The following DNAH10 variants were observed in gnomAD, a reference collection of about 807,000 sequenced individuals.
DNAH10 encodes dynein axonemal heavy chain 10, also known as axonemal beta dynein heavy chain 10.
DNAH10 carries 348 observed loss-of-function variants against 506.6 expected under a neutral mutation model. The ratio of observed to expected loss-of-function variants is 0.69; its 90% CI spans 0.63 to 0.75. The LOEUF is 0.75. Among genes scored for constraint, DNAH10 ranks in the 30% least tolerant of loss-of-function variants. DNAH10 has a pLI of 0.00. For missense variants in DNAH10, 5,179 were observed against 5,787.1 expected (o/e 0.89, Z 3.41); for synonymous variants, 2,059 against 2,198.6 (o/e 0.94, Z 1.78).
intron 24 of DNAH10, among the ~76,000 whole-genome samples, chr12:123,821,570 C>T (rs149634409): frequency 0.01 from 1,538 of 152,140 alleles, 16 homozygotes; most frequent in Non-Finnish European, 0.017. Context: ...TGATCTCAAG[C>T]GATCCTCCTG....
Position 123,804,853 on chromosome 12 carries a change from C to T in DNAH10, c.2800C>T (p.His934Tyr). The change falls in exon 18 of 79, where the codon CAC becomes TAC. Residue 934 changes from histidine (H) to tyrosine (Y), a missense_variant. Around this residue, in one of 3 missense-constraint regions of DNAH10, gnomAD observed 4,844 missense variants for 5,430.5 expected, o/e 0.89. Coordinates refer to ENST00000673944, the MANE Select transcript of DNAH10 (RefSeq NM_001372106.1). ...ELPGVKEFFEHIERERASDVD... is the reference protein window; with the variant it reads ...ELPGVKEFFEYIERERASDVD... ...TCCAGGCGTGAAGGAATTTTTTGAA[C>T]ACATTGAGCGAGAAAGGGCCAGCGA... 1 of 1,610,642 alleles carries T rather than the reference C, an allele frequency of 6.2e-7. No individual in the cohort carries two copies.
intron 50 of DNAH10, among the ~76,000 whole-genome samples, chr12:123,881,272 G>A (rs1405729330): frequency 6.6e-6 from 1 of 152,190 alleles, no homozygotes; most frequent in Non-Finnish European, 1.5e-5. Flanking sequence ...CACCAACTGT[G>A]TAAAACTGTT....
intron 72 of DNAH10, 108 bp downstream of exon 72, chr12:123,929,867 T>A: frequency 1.0e-6 from 1 of 964,790 alleles, no homozygotes; most frequent in Non-Finnish European, 1.6e-6. Flanking sequence ...TCTGCCCCTG[T>A]GTTCCCCTTG....
At chr12:123,884,045 C>T (rs978217371) in intron 51 of DNAH10, among the ~76,000 whole-genome samples, 7 of 152,148 alleles carry the variant, frequency 4.6e-5, no homozygotes, top group Admixed American at 1.3e-4. Flanking sequence ...TCTTTTTCTT[C>T]GCCCCCGAGA....
intron 5 of DNAH10, 108 bp downstream of exon 5, chr12:123,774,372 A>C: frequency 3.6e-6 from 3 of 835,492 alleles, no homozygotes; most frequent in Non-Finnish European, 5.5e-6. Flanking sequence ...AGGTGCTGTT[A>C]TGGGCACTGA....
intron 77 of DNAH10, chr12:123,934,149 G>A (rs1955358379): frequency 5.9e-6 from 4 of 673,748 alleles, no homozygotes; most frequent in Admixed American, 2.1e-5. Flanking sequence ...GGCCACAGGA[G>A]TGTGTTCCTC....
intron 28 of DNAH10, among the ~76,000 whole-genome samples, chr12:123,837,492 G>C (rs1961286501): frequency 6.6e-6 from 1 of 151,816 alleles, no homozygotes. Flanking sequence ...TTTAATAGTT[G>C]AGCATATATC....
At chr12:123,845,545 T>C (rs942183016) in intron 30 of DNAH10, 55 bp from the exon 31 acceptor site, 2 of 1,591,040 alleles carry the variant, frequency 1.3e-6, no homozygotes, top group African/African-American at 1.3e-5. Flanking sequence ...GGGACTGTTT[T>C]GGGTACCAGT....
At chr12:123,888,590 C>G (rs1952841444) in intron 52 of DNAH10, among the ~76,000 whole-genome samples, 1 of 152,160 alleles carries the variant, frequency 6.6e-6, no homozygotes, top group South Asian at 2.1e-4. Context: ...AGGATTTTTC[C>G]CTTGGAGCTG....
chr12:123,914,230 GCC>G, intron 60 of DNAH10, 97 bp from the exon 61 acceptor site: 2 of 1,070,346 alleles, frequency 1.9e-6, no homozygotes, highest in Non-Finnish European at 2.7e-6. Context: ...CATCTGGCTA[GCC>G]CTGTTAGCAA....
At chr12:123,871,429 A>T in intron 44 of DNAH10, 28 bp from the exon 45 acceptor site, 1 of 1,579,322 alleles carries the variant, frequency 6.3e-7, no homozygotes, top group South Asian at 1.2e-5. Flanking sequence ...AGTTGCTGAG[A>T]TGCCCCTGTT....
chr12:123,830,450 T>C, intron 25 of DNAH10, 96 bp from the exon 26 acceptor site: 1 of 1,355,160 alleles, frequency 7.4e-7, no homozygotes, highest in Non-Finnish European at 1.0e-6. Context: ...ATAAGAAGTT[T>C]ACAAAATGAG....
chr12:123,782,701 C>T (rs1457248847), intron 6 of DNAH10, among the ~76,000 whole-genome samples: 2 of 152,060 alleles, frequency 1.3e-5, no homozygotes, highest in African/African-American at 2.4e-5. Flanking sequence ...TGTGAGCCAT[C>T]GTGCCTGGCC....
intron 18 of DNAH10, 66 bp downstream of exon 18, chr12:123,805,106 C>T: frequency 1.3e-6 from 2 of 1,515,442 alleles, no homozygotes; most frequent in African/African-American, 2.7e-5. Context: ...CAAATATGGA[C>T]AGTTAGAGGG....
chr12:123,848,201 C>G lies in DNAH10; in HGVS notation c.5949+106C>G. ...TTTGACATGGCGACAGTGGAAGAAG[C>G]TAGTAGAAAACCTTCCACCACCACA... On this transcript the variant is annotated intron_variant, in intron 33 of 78. Transcript: ENST00000673944. 3 of 1,480,520 alleles carry G rather than the reference C, an allele frequency of 2.0e-6. No individual in the cohort carries two copies. In the South Asian group the frequency reaches 4.0e-5, roughly 20 times the overall value. 91.7% of individuals were successfully genotyped at this position (1,480,520 alleles called of 1,614,324 possible).
chr12:123,807,435 G>A (rs1958724185), intron 18 of DNAH10, among the ~76,000 whole-genome samples: 2 of 152,166 alleles, frequency 1.3e-5, no homozygotes, highest in Non-Finnish European at 1.5e-5. Context: ...CTGTAATTGG[G>A]TGGTCAAGAA....
chr12:123,798,787 G>T (rs940470396), intron 13 of DNAH10, among the ~76,000 whole-genome samples: 1 of 147,768 alleles, frequency 6.8e-6, no homozygotes, highest in African/African-American at 2.5e-5. Flanking sequence ...TATGTAGAAA[G>T]ATATGAAAAA....
Position 123,845,657 on chromosome 12 carries a change from G to T in DNAH10, c.5418G>T (p.Trp1806Cys), listed in dbSNP as rs751580079. 1.6e-4 allele frequency: 251 copies of T among 1,613,794 alleles called. 1 individual carries two copies. Among genetic ancestry groups the T allele is most frequent in the Middle Eastern group, 1.5e-3 (9 of 6,062 alleles). ...TGGTGCTGGCCGCTAGCCAGGTGTG[G>T]TGGACCTGGGAGGTGGAAGACGTCT... ...GMVVLAASQV[W>C]WTWEVEDVFH... Residue 1806 changes from tryptophan to cysteine, a missense_variant, in exon 31 of 79, where the codon TGG becomes TGT. Physicochemically the swap from Trp to Cys is radical, Grantham distance 215 (BLOSUM62 -2). Around this residue, in one of 3 missense-constraint regions of DNAH10, gnomAD observed 4,844 missense variants for 5,430.5 expected, o/e 0.89. Transcript: ENST00000673944.
chr12:123,829,990 A>G (rs751089548), intron 25 of DNAH10, among the ~76,000 whole-genome samples: 5 of 152,090 alleles, frequency 3.3e-5, no homozygotes, highest in African/African-American at 4.8e-5. Flanking sequence ...CCTCTGGCAC[A>G]CTGCAGTTTT....
Sources: gnomAD v4.1 joint callset for allele counts (sites outside exome capture counted in the v4.1 genomes callset) on GRCh38, gnomAD v4.1.1 for gene constraint, gnomAD v4.1.1 regional missense constraint, MANE v1.5 for transcripts, NCBI Gene and HGNC (gene_info 2026-07-23, HGNC 2026-07-21) for gene names.